CADM2: variants seen among roughly 807,000 people sequenced by gnomAD.
CADM2 encodes the protein cell adhesion molecule 2.
In CADM2, 12 loss-of-function variants were observed where a neutral mutation model predicts 49.8. That is an observed-to-expected ratio of 0.24 (90% CI 0.15 to 0.39). The LOEUF is 0.39. Ranked by LOEUF, CADM2 falls within the 10% of genes least tolerant of loss-of-function variation. The pLI, the probability that CADM2 is intolerant of heterozygous loss-of-function variation, is 1.00. For synonymous variants in CADM2, 214 were observed against 175.4 expected (o/e 1.22, Z -1.74); for missense variants, 378 against 492.3 (o/e 0.77, Z 2.20).
chr3:85,383,875 C>T (rs1320498295), intron 1 of CADM2, among the ~76,000 whole-genome samples: 1 of 151,784 alleles, frequency 6.6e-6, no homozygotes, highest in Non-Finnish European at 1.5e-5. Context: ...TATAACTTAC[C>T]ACTATTTATC....
chr3:85,085,712 T>G (rs1389311469), intron 1 of CADM2, among the ~76,000 whole-genome samples: 3 of 152,178 alleles, frequency 2.0e-5, no homozygotes, highest in Admixed American at 2.0e-4. Context: ...CATATCCATG[T>G]GTGATTGTCT....
At chr3:85,584,550 A>T (rs1489119054) in intron 1 of CADM2, among the ~76,000 whole-genome samples, 1 of 152,072 alleles carries the variant, frequency 6.6e-6, no homozygotes, top group Non-Finnish European at 1.5e-5. Context: ...TAAAGATGTG[A>T]CATTTAAGTT....
At chr3:85,967,929 A>G (rs1033737285) in intron 8 of CADM2, among the ~76,000 whole-genome samples, 1 of 151,624 alleles carries the variant, frequency 6.6e-6, no homozygotes, top group Non-Finnish European at 1.5e-5. Context: ...GTTCTTTCAC[A>G]TGGAAACAGA....
chr3:85,154,276 G>C (rs1396534921), intron 1 of CADM2, among the ~76,000 whole-genome samples: 1 of 152,168 alleles, frequency 6.6e-6, no homozygotes, highest in South Asian at 2.1e-4. Context: ...CAAGGCTCGA[G>C]AACTATGTGA....
intron 8 of CADM2, among the ~76,000 whole-genome samples, chr3:86,029,100 G>A (rs1734257207): frequency 6.6e-6 from 1 of 152,152 alleles, no homozygotes. Context: ...TCAAGTGAGG[G>A]AAATAAGCCT....
At chr3:85,327,194 T>C (rs746230854) in intron 1 of CADM2, among the ~76,000 whole-genome samples, 3 of 152,132 alleles carry the variant, frequency 2.0e-5, no homozygotes, top group Non-Finnish European at 4.4e-5. Flanking sequence ...GGGAGAATCA[T>C]TGATGTCTCT....
In CADM2 at chr3:85,442,644, A is replaced by G. The variant is rs923134869; in HGVS notation, c.62-283878A>G. Among the ~76,000 whole-genome samples, 4 of 141,544 alleles carry G rather than the reference A, an allele frequency of 2.8e-5. No individual in the cohort carries two copies. The East Asian group carries it at 8.0e-4, about 28-fold the overall frequency. 92.9% of individuals were successfully genotyped at this position (141,544 alleles called of 152,430 possible). On this transcript the variant is annotated intron_variant, in intron 1 of 9. Transcript: ENST00000383699. The stretch of plus-strand genomic sequence containing the variant: ...TATATATATATATATGAATATTGCC[A>G]TCAGCTAAGAGGCCAGATTTCAGAG...
intron 1 of CADM2, among the ~76,000 whole-genome samples, chr3:85,439,974 G>T (rs1397665451): frequency 6.6e-6 from 1 of 151,844 alleles, no homozygotes; most frequent in Non-Finnish European, 1.5e-5. Context: ...CATTATTTTT[G>T]GATTATTTCT....
chr3:85,843,701 T>C (rs993663643), intron 3 of CADM2, among the ~76,000 whole-genome samples: 1 of 152,158 alleles, frequency 6.6e-6, no homozygotes, highest in African/African-American at 2.4e-5. Flanking sequence ...CATTAATACA[T>C]GTTTAAGCTG....
At chr3:85,871,695 A>G (rs2075935585) in intron 3 of CADM2, among the ~76,000 whole-genome samples, 1 of 152,042 alleles carries the variant, frequency 6.6e-6, no homozygotes, top group Non-Finnish European at 1.5e-5. Context: ...AATTAACATT[A>G]CTCTATCGTT....
At chr3:85,080,428 TCA>T (rs2037119670) in intron 1 of CADM2, among the ~76,000 whole-genome samples, 1 of 152,030 alleles carries the variant, frequency 6.6e-6, no homozygotes, top group Non-Finnish European at 1.5e-5. Context: ...GCTGAATATC[TCA>T]GTCCAGACAG....
chr3:85,015,249 ATTG>A (rs1305555595), intron 1 of CADM2, among the ~76,000 whole-genome samples: 4 of 152,138 alleles, frequency 2.6e-5, no homozygotes, highest in African/African-American at 9.7e-5. Flanking sequence ...GTTAGTTTCT[ATTG>A]TTAAACTGCC....
intron 1 of CADM2, among the ~76,000 whole-genome samples, chr3:84,963,264 TGCCA>T (rs1347964897): frequency 6.6e-6 from 1 of 152,180 alleles, no homozygotes; most frequent in East Asian, 1.9e-4. Flanking sequence ...AAGGAAAGCT[TGCCA>T]CCTGTAACTA....
At chr3:85,161,109 T>G (rs569307541) in intron 1 of CADM2, among the ~76,000 whole-genome samples, 26 of 152,324 alleles carry the variant, frequency 1.7e-4, no homozygotes, top group Admixed American at 3.9e-4. Context: ...TGCCTTCCTG[T>G]TTTCTAATAT....
intron 1 of CADM2, among the ~76,000 whole-genome samples, chr3:84,996,846 A>G (rs1015333306): frequency 6.6e-6 from 1 of 152,104 alleles, no homozygotes; most frequent in African/African-American, 2.4e-5. Context: ...TATGGTGTTC[A>G]GGGATTCCTT....
intron 1 of CADM2, among the ~76,000 whole-genome samples, chr3:85,365,334 G>A (rs1473600960): frequency 6.6e-6 from 1 of 151,704 alleles, no homozygotes; most frequent in Non-Finnish European, 1.5e-5. Context: ...TACAGTTAAT[G>A]TGTGCATCTA....
chr3:85,695,776 G>A lies in CADM2; in HGVS notation c.62-30746G>A, dbSNP rs370582942. On this transcript the variant is annotated intron_variant, in intron 1 of 9. Coordinates refer to ENST00000383699, the MANE Select transcript of CADM2 (RefSeq NM_001167675.2). Reference sequence around the variant, plus strand: ...TTTTTTCACTTTGGGTAGATACCCCGTAGTGGGATTTCTGGATAGAATGGT... The same window carrying A: ...TTTTTTCACTTTGGGTAGATACCCCATAGTGGGATTTCTGGATAGAATGGT... Among the ~76,000 whole-genome samples the A allele has an allele frequency of 2.8e-4, 43 of 152,202 alleles. No homozygotes were observed. The East Asian group carries it at 3.7e-3, about 13-fold the overall frequency.
At position 85,823,595 on chromosome 3, in the gene CADM2, C is replaced by T. The variant is rs546897638; in HGVS notation, c.238+21399C>T. ...ATGTGGAAAGTAGAGATAATGTCTA[C>T]TTTGCAGAGTTGTTGTTAAGATTAT... On this transcript the variant is annotated intron_variant, in intron 3 of 9. Coordinates refer to ENST00000383699, the MANE Select transcript of CADM2 (RefSeq NM_001167675.2). Among the ~76,000 whole-genome samples, 10 of 152,240 alleles carry T rather than the reference C, an allele frequency of 6.6e-5. No homozygotes were observed. In the South Asian group the frequency reaches 1.7e-3, roughly 25 times the overall value.
chr3:85,325,306 T>A (rs2044720547), intron 1 of CADM2, among the ~76,000 whole-genome samples: 1 of 152,226 alleles, frequency 6.6e-6, no homozygotes, highest in African/African-American at 2.4e-5. Context: ...GTAATACATA[T>A]TCAGTGGAAA....
Sources: allele counts gnomAD v4.1 joint callset (sites outside exome capture counted in the v4.1 genomes callset), GRCh38; gene constraint gnomAD v4.1.1; transcripts MANE v1.5; gene names NCBI Gene and HGNC (gene_info 2026-07-23, HGNC 2026-07-21).